The following TBL1XR1 variants were observed in gnomAD, a reference collection of about 807,000 sequenced individuals.
TBL1XR1 encodes the protein F-box-like/WD repeat-containing protein TBL1XR1.
Under a neutral mutation model 66.9 loss-of-function variants are expected in TBL1XR1, and 5 were observed. That is an observed-to-expected ratio of 0.07 (90% CI 0.04 to 0.16). The LOEUF is 0.16. TBL1XR1 is among the 10% of genes least tolerant of loss of function. The pLI is 1.00. For synonymous variants in TBL1XR1, 210 were observed against 206.0 expected, an observed-to-expected ratio of 1.02 and a Z score of -0.17; for missense variants, 238 against 623.2, an observed-to-expected ratio of 0.38 and a Z score of 6.58.
intron 1 of TBL1XR1, among the ~76,000 whole-genome samples, chr3:177,166,022 G>A (rs537065779): frequency 1.3e-4 from 20 of 152,176 alleles, no homozygotes; most frequent in East Asian, 5.8e-4. Flanking sequence ...CCTGGGAGGC[G>A]GAGGTTGCAG....
chr3:177,163,391 CCCAGCTA>C, intron 1 of TBL1XR1, among the ~76,000 whole-genome samples: 1 of 152,090 alleles, frequency 6.6e-6, no homozygotes. Flanking sequence ...CACCTGTAAT[CCCAGCTA>C]CTCAGGAGGC....
intron 1 of TBL1XR1, among the ~76,000 whole-genome samples, chr3:177,118,066 T>C (rs1375898826): frequency 6.6e-6 from 1 of 152,246 alleles, no homozygotes; most frequent in Non-Finnish European, 1.5e-5. Flanking sequence ...TTTCTTTCTT[T>C]ACCTCACCTA....
chr3:177,045,999 C>T (rs1217048000), intron 10 of TBL1XR1, 130 bp downstream of exon 10: 2 of 664,354 alleles, frequency 3.0e-6, no homozygotes, highest in Non-Finnish European at 4.9e-6. Context: ...GGAACATCAA[C>T]TCTCCAAAGG....
At chr3:177,053,534 CTTT>C (rs1342145553) in intron 4 of TBL1XR1, among the ~76,000 whole-genome samples, 2 of 152,150 alleles carry the variant, frequency 1.3e-5, no homozygotes, top group Admixed American at 6.5e-5. Context: ...AATAAAAATT[CTTT>C]ATTAGTGTTT....
At chr3:177,048,213 A>G (rs142443187) in intron 7 of TBL1XR1, among the ~76,000 whole-genome samples, 38 of 152,310 alleles carry the variant, frequency 2.5e-4, no homozygotes, top group African/African-American at 8.9e-4. Context: ...AAGTCCATAT[A>G]AATTTCTCTC....
intron 1 of TBL1XR1, among the ~76,000 whole-genome samples, chr3:177,137,406 C>T (rs1729127988): frequency 6.6e-6 from 1 of 152,200 alleles, no homozygotes; most frequent in Non-Finnish European, 1.5e-5. Context: ...GCAGGAAGAT[C>T]AACTGATTAA....
intron 1 of TBL1XR1, among the ~76,000 whole-genome samples, chr3:177,180,235 C>CAAA (rs34198735): frequency 1.3e-3 from 91 of 72,186 alleles, no homozygotes; most frequent in East Asian, 0.01. Flanking sequence ...GACTCCGTCT[C>CAAA]AAAAAAAAAA....
intron 2 of TBL1XR1, among the ~76,000 whole-genome samples, chr3:177,094,769 G>A (rs144138898): frequency 6.6e-6 from 1 of 152,246 alleles, no homozygotes; most frequent in Non-Finnish European, 1.5e-5. Context: ...GCGAAGCTAT[G>A]AGGAGGATGC....
chr3:177,063,185 G>A (rs894025417), intron 3 of TBL1XR1, among the ~76,000 whole-genome samples: 2 of 152,022 alleles, frequency 1.3e-5, no homozygotes, highest in Non-Finnish European at 2.9e-5. Context: ...GAAATTAACC[G>A]AGAATATTAT....
chr3:177,027,362 A>G (rs1048057856), intron 14 of TBL1XR1: 3 of 152,216 alleles, frequency 2.0e-5, no homozygotes, highest in Non-Finnish European at 2.9e-5. Context: ...CAGGAATACT[A>G]ATAATGTAAT....
Position 177,196,735 on chromosome 3 carries a change from T to TC in TBL1XR1, c.-122+385dup, listed in dbSNP as rs538965738. Reference sequence around the variant, plus strand: ...TGCTGCAAATCCTTTCCTGAAAGCCTCCCCCCCCAAACACACACGCACAAA... The same window carrying TC: ...TGCTGCAAATCCTTTCCTGAAAGCCTCCCCCCCCCAAACACACACGCACAAA... On this transcript the variant is annotated intron_variant, in intron 1 of 15. Transcript: ENST00000457928. Among the ~76,000 whole-genome samples, 33 of 95,504 alleles carry TC rather than the reference T, an allele frequency of 3.5e-4. 1 individual carries two copies. In the South Asian group the frequency reaches 6.7e-3, roughly 19 times the overall value. 62.7% of individuals were successfully genotyped at this position (95,504 alleles called of 152,430 possible).
At chr3:177,071,288 T>C (rs530668053) in intron 2 of TBL1XR1, among the ~76,000 whole-genome samples, 96 of 152,082 alleles carry the variant, frequency 6.3e-4, no homozygotes, top group Non-Finnish European at 9.7e-4. Flanking sequence ...GTTAATCACC[T>C]GAATAGATAG....
intron 3 of TBL1XR1, among the ~76,000 whole-genome samples, chr3:177,055,844 G>C (rs1717737200): frequency 6.6e-6 from 1 of 152,114 alleles, no homozygotes; most frequent in Admixed American, 6.6e-5. Context: ...AAAACTTCAA[G>C]ACAGAAGACA....
Position 177,021,906 on chromosome 3 carries a change from T to C in TBL1XR1, c.*3592A>G, listed in dbSNP as rs73881945. On this transcript the variant is annotated 3_prime_UTR_variant, in exon 16 of 16. Transcript: ENST00000457928. ...GATAATGAAAATTGTAGCGCTGCATTTGAGATTTATTTCTCTACTTAGCTA... is the reference window on the plus strand; with the variant it reads ...GATAATGAAAATTGTAGCGCTGCATCTGAGATTTATTTCTCTACTTAGCTA... 16,525 of 152,682 alleles carry C rather than the reference T, an allele frequency of 0.11. 1,015 individuals carry two copies. Among genetic ancestry groups the C allele is most frequent in the African/African-American group, 0.13 (5,216 of 41,558 alleles). 9.5% of individuals were successfully genotyped at this position (152,682 alleles called of 1,614,324 possible). A position where few individuals can be genotyped will look rare whatever the true frequency, so the allele number is the denominator to read the frequency against.
intron 3 of TBL1XR1, among the ~76,000 whole-genome samples, chr3:177,059,335 A>G (rs1207527520): frequency 6.6e-6 from 1 of 152,202 alleles, no homozygotes; most frequent in East Asian, 1.9e-4. Flanking sequence ...TACAGACCTA[A>G]TGTGAAACTG....
At chr3:177,038,460 G>T (rs762131931) in intron 10 of TBL1XR1, 26 bp from the exon 11 acceptor site, 1 of 1,482,338 alleles carries the variant, frequency 6.7e-7, no homozygotes, top group East Asian at 2.4e-5. Flanking sequence ...GGTTAGATTT[G>T]CTTTTATTCC....
chr3:177,163,567 T>C (rs918858495), intron 1 of TBL1XR1, among the ~76,000 whole-genome samples: 1 of 144,004 alleles, frequency 6.9e-6, no homozygotes, highest in Non-Finnish European at 1.5e-5. Flanking sequence ...ATATATAAGG[T>C]AAAAACAGCA....
At chr3:177,192,397 TCA>T (rs1559972675) in intron 1 of TBL1XR1, among the ~76,000 whole-genome samples, 1 of 112,332 alleles carries the variant, frequency 8.9e-6, no homozygotes. Context: ...AGACTTTATC[TCA>T]AAAAAAAAAA....
chr3:177,150,220 A>G (rs531551754), intron 1 of TBL1XR1, among the ~76,000 whole-genome samples: 1 of 152,300 alleles, frequency 6.6e-6, no homozygotes, highest in African/African-American at 2.4e-5. Context: ...GCCCGGTAGT[A>G]AGGAAGATTT....
Sources: gnomAD v4.1 joint callset for allele counts (sites outside exome capture counted in the v4.1 genomes callset) on GRCh38, gnomAD v4.1.1 for gene constraint, MANE v1.5 for transcripts, NCBI Gene and HGNC (gene_info 2026-07-23, HGNC 2026-07-21) for gene names.